Variants in HECTD2 observed in about 807,000 individuals in gnomAD.
HECTD2 encodes HECT domain E3 ubiquitin protein ligase 2.
A neutral mutation model predicts 103.2 loss-of-function variants in HECTD2; 35 were observed. The observed-to-expected ratio is 0.34, with a 90% CI of 0.26 to 0.45. HECTD2 has a LOEUF of 0.45. HECTD2 is among the 20% of genes least tolerant of loss of function. The pLI is 1.00. For synonymous variants in HECTD2, 281 were observed against 329.9 expected (o/e 0.85, Z 1.61); for missense variants, 596 against 937.4 (o/e 0.64, Z 4.76).
At chr10:91,490,799 G>C (rs1431394059) in intron 11 of HECTD2, among the ~76,000 whole-genome samples, 1 of 146,634 alleles carries the variant, frequency 6.8e-6, no homozygotes, top group Non-Finnish European at 1.5e-5. Flanking sequence ...GCTGAGGCAG[G>C]AGAATGGCAT....
At chr10:91,498,258 C>A in intron 16 of HECTD2, 76 bp downstream of exon 16, 1 of 982,408 alleles carries the variant, frequency 1.0e-6, no homozygotes, top group Non-Finnish European at 1.6e-6. Context: ...ATTAAATACC[C>A]ACTGTTAGAA....
intron 2 of HECTD2, among the ~76,000 whole-genome samples, chr10:91,456,089 G>GT (rs1434770792): frequency 1.3e-5 from 2 of 152,142 alleles, no homozygotes; most frequent in African/African-American, 4.8e-5. Context: ...CTTTAAAGTA[G>GT]TTTTTTCCAA....
intron 1 of HECTD2, among the ~76,000 whole-genome samples, chr10:91,414,025 CAT>C (rs1431246756): frequency 1.3e-5 from 2 of 152,116 alleles, no homozygotes; most frequent in East Asian, 3.8e-4. Flanking sequence ...ATGTATTACA[CAT>C]GTTTAAAAAA....
chr10:91,469,564 C>T (rs539358407), intron 5 of HECTD2, among the ~76,000 whole-genome samples: 13 of 152,264 alleles, frequency 8.5e-5, no homozygotes, highest in Admixed American at 7.8e-4. Context: ...TAAGGAAATT[C>T]GTTACCACCA....
At chr10:91,503,087 A>T (rs1200780982) in intron 20 of HECTD2, among the ~76,000 whole-genome samples, 1 of 152,208 alleles carries the variant, frequency 6.6e-6, no homozygotes, top group Non-Finnish European at 1.5e-5. Flanking sequence ...AATTCCATTA[A>T]AAGGTGGGCA....
At position 91,491,184 on chromosome 10, in the gene HECTD2, T is replaced by C. The variant is rs754306273; in HGVS notation, c.1192-16T>C. On this transcript the variant is annotated splice_polypyrimidine_tract_variant and intron_variant, in intron 11 of 20. Transcript: ENST00000298068. ...TCTAAGTAAAAGCAAAACTGTTTAC[T>C]TTCTTATTTAATCAGCAAAGTCTGG... 1 of 1,336,614 alleles carries C rather than the reference T, an allele frequency of 7.5e-7. No homozygotes were observed. Among genetic ancestry groups the C allele is most frequent in the Non-Finnish European group, 1.1e-6 (1 of 935,002 alleles). The allele number at this position is 1,336,614 out of a possible 1,614,324, so 82.8% of individuals were successfully genotyped here. A position where few individuals can be genotyped will look rare whatever the true frequency, so the allele number is the denominator to read the frequency against.
chr10:91,476,719 A>G (rs1296128059), intron 5 of HECTD2, among the ~76,000 whole-genome samples: 2 of 152,184 alleles, frequency 1.3e-5, no homozygotes, highest in Non-Finnish European at 2.9e-5. Context: ...AGCTGTGGCT[A>G]GATTTCTCAA....
chr10:91,484,123 T>G (rs1228087815), intron 8 of HECTD2: 3 of 486,154 alleles, frequency 6.2e-6, no homozygotes, highest in Non-Finnish European at 1.1e-5. Flanking sequence ...CAGCTGGAAA[T>G]GTGCATGTCA....
At chr10:91,499,951 G>C (rs1846831287) in intron 18 of HECTD2, among the ~76,000 whole-genome samples, 1 of 152,160 alleles carries the variant, frequency 6.6e-6, no homozygotes. Context: ...TTGAGCTCTA[G>C]TTAAGTTTTG....
At chr10:91,505,145 C>T (rs1387504503) in intron 20 of HECTD2, among the ~76,000 whole-genome samples, 1 of 151,862 alleles carries the variant, frequency 6.6e-6, no homozygotes, top group Admixed American at 6.6e-5. Context: ...AAAGGAACAA[C>T]CGGTACCAGC....
chr10:91,503,449 G>A (rs1298890780), intron 20 of HECTD2, among the ~76,000 whole-genome samples: 9 of 152,318 alleles, frequency 5.9e-5, no homozygotes, highest in African/African-American at 2.2e-4. Context: ...GCAGGGCGAG[G>A]CATTGCCTCA....
chr10:91,429,627 A>G (rs866386617), intron 2 of HECTD2, among the ~76,000 whole-genome samples: 11 of 152,272 alleles, frequency 7.2e-5, no homozygotes, highest in Admixed American at 5.9e-4. Context: ...GTGTCGAGGA[A>G]TTTATCCATT....
intron 20 of HECTD2, among the ~76,000 whole-genome samples, chr10:91,506,291 A>G (rs1186291926): frequency 6.6e-6 from 1 of 152,252 alleles, no homozygotes; most frequent in African/African-American, 2.4e-5. Context: ...AACTGAAGGA[A>G]ATAGAGACAC....
intron 5 of HECTD2, among the ~76,000 whole-genome samples, chr10:91,472,818 A>G (rs1465067576): frequency 6.6e-6 from 1 of 152,164 alleles, no homozygotes; most frequent in Non-Finnish European, 1.5e-5. Context: ...TGTCTAAAAT[A>G]CCTTTGATAC....
intron 20 of HECTD2, among the ~76,000 whole-genome samples, chr10:91,502,397 T>C (rs1846937837): frequency 6.6e-6 from 1 of 152,244 alleles, no homozygotes; most frequent in African/African-American, 2.4e-5. Flanking sequence ...AAAGTCATTA[T>C]GTATTGAGTT....
chr10:91,443,605 C>T (rs893739551), intron 2 of HECTD2, among the ~76,000 whole-genome samples: 7 of 152,154 alleles, frequency 4.6e-5, no homozygotes, highest in Non-Finnish European at 1.0e-4. Flanking sequence ...AGAGCTTGAG[C>T]GCTGTGCTGG....
At chr10:91,455,073 G>A (rs1000900559) in intron 2 of HECTD2, among the ~76,000 whole-genome samples, 2 of 151,510 alleles carry the variant, frequency 1.3e-5, no homozygotes, top group African/African-American at 2.4e-5. Context: ...AAAATCCTTT[G>A]AATATATACC....
At chr10:91,409,951 C>A (rs1455044126), upstream of HECTD2, among the ~76,000 whole-genome samples, 2 of 152,186 alleles carry the variant, frequency 1.3e-5, no homozygotes, top group African/African-American at 4.8e-5. Context: ...TGGTACCACT[C>A]GGACACTCTA....
At chr10:91,423,519 C>G (rs1282182615) in intron 1 of HECTD2, among the ~76,000 whole-genome samples, 1 of 151,832 alleles carries the variant, frequency 6.6e-6, no homozygotes, top group Non-Finnish European at 1.5e-5. Flanking sequence ...AATGTCACAC[C>G]AAAAAAATGC....
Sources: gnomAD v4.1 joint callset for allele counts (sites outside exome capture counted in the v4.1 genomes callset) on GRCh38, gnomAD v4.1.1 for gene constraint, MANE v1.5 for transcripts, NCBI Gene and HGNC (gene_info 2026-07-23, HGNC 2026-07-21) for gene names.